Variants in SULF2 observed in about 807,000 individuals in gnomAD.
SULF2 encodes extracellular sulfatase Sulf-2.
Under a neutral mutation model 107.7 loss-of-function variants are expected in SULF2, and 52 were observed. That is an observed-to-expected ratio of 0.48 (90% CI 0.39 to 0.61). The LOEUF is 0.61. Among genes scored for constraint, SULF2 ranks in the 20% least tolerant of loss-of-function variants. The pLI is 0.00. For synonymous variants in SULF2, 460 were observed against 464.3 expected (o/e 0.99, Z 0.12); for missense variants, 993 against 1,177.3 (o/e 0.84, Z 2.29).
intron 1 of SULF2, among the ~76,000 whole-genome samples, chr20:47,766,315 C>T (rs1159894637): frequency 6.6e-6 from 1 of 152,230 alleles, no homozygotes; most frequent in Non-Finnish European, 1.5e-5. Context: ...TCCCTGTCTC[C>T]CCTACCTAGC....
Position 47,672,301 on chromosome 20 carries a change from G to A in SULF2, c.1473C>T (p.Asn491=), listed in dbSNP as rs145526639. 203 of 1,613,462 alleles carry A rather than the reference G, an allele frequency of 1.3e-4. 2 individuals carry two copies. Among genetic ancestry groups the A allele is most frequent in the East Asian group, 1.0e-3 (47 of 44,886 alleles). Residue 491 remains asparagine, a synonymous_variant, in exon 11 of 21, where the codon AAC becomes AAT. Coordinates refer to ENST00000688720, the MANE Select transcript of SULF2 (RefSeq NM_001387048.1). ...MRLGGSRALS[N]LVPKYYGQGS... ...CCTGCCCGTAGTACTTGGGCACGAGGTTGGAGAGGGCTCTGCTGCCGCCCA... is the reference window on the plus strand; with the variant it reads ...CCTGCCCGTAGTACTTGGGCACGAGATTGGAGAGGGCTCTGCTGCCGCCCA...
chr20:47,723,559 T>C (rs2089354941), intron 3 of SULF2, among the ~76,000 whole-genome samples: 1 of 152,180 alleles, frequency 6.6e-6, no homozygotes, highest in African/African-American at 2.4e-5. Context: ...TTCATCTGTA[T>C]TTACAGCCGC....
chr20:47,660,280 C>G (rs1042311155), intron 18 of SULF2, among the ~76,000 whole-genome samples: 6 of 152,346 alleles, frequency 3.9e-5, no homozygotes, highest in African/African-American at 1.2e-4. Flanking sequence ...TGTCATTGCA[C>G]TTTGATCACA....
chr20:47,750,132 C>G (rs1247707754), intron 2 of SULF2, among the ~76,000 whole-genome samples: 1 of 152,206 alleles, frequency 6.6e-6, no homozygotes, highest in Non-Finnish European at 1.5e-5. Flanking sequence ...TAGGCGTGTG[C>G]CACCATGCCC....
At chr20:47,725,851 T>G (rs1158313248) in intron 3 of SULF2, among the ~76,000 whole-genome samples, 1 of 151,862 alleles carries the variant, frequency 6.6e-6, no homozygotes, top group African/African-American at 2.4e-5. Flanking sequence ...GGAACTCGGT[T>G]TCCCTTCATT....
At chr20:47,731,795 G>A (rs73624700) in intron 3 of SULF2, among the ~76,000 whole-genome samples, 4,676 of 152,300 alleles carry the variant, frequency 0.031, 132 homozygotes, top group East Asian at 0.11. Flanking sequence ...TGCTGCTGGC[G>A]CATATGATTT....
intron 11 of SULF2, among the ~76,000 whole-genome samples, chr20:47,667,421 T>C (rs1039332047): frequency 6.6e-6 from 1 of 152,184 alleles, no homozygotes; most frequent in African/African-American, 2.4e-5. Context: ...GTAGCCTGTA[T>C]CTTCTATGTC....
At chr20:47,781,017 T>C (rs1458144718) in intron 1 of SULF2, among the ~76,000 whole-genome samples, 1 of 152,220 alleles carries the variant, frequency 6.6e-6, no homozygotes, top group East Asian at 1.9e-4. Context: ...GAAGTTTGAT[T>C]CAACAGGATC....
intron 3 of SULF2, among the ~76,000 whole-genome samples, chr20:47,731,188 T>TC (rs1555848479): frequency 3.3e-4 from 12 of 36,438 alleles, no homozygotes; most frequent in African/African-American, 1.8e-3. Context: ...GTATCTTCTC[T>TC]TTTTTTTTTT....
At chr20:47,728,440 T>C (rs568986973) in intron 3 of SULF2, among the ~76,000 whole-genome samples, 53 of 143,616 alleles carry the variant, frequency 3.7e-4, no homozygotes, top group Admixed American at 2.5e-3. Context: ...ATGGTGGGAG[T>C]GGGGGTGGAG....
chr20:47,756,573 C>T (rs1031026111), intron 2 of SULF2, among the ~76,000 whole-genome samples: 2 of 151,766 alleles, frequency 1.3e-5, no homozygotes, highest in African/African-American at 2.4e-5. Flanking sequence ...TCACCCTTCA[C>T]GGGATCAATG....
chr20:47,662,404 A>G (rs1300703134), intron 17 of SULF2, among the ~76,000 whole-genome samples: 2 of 152,236 alleles, frequency 1.3e-5, no homozygotes, highest in South Asian at 2.1e-4. Flanking sequence ...ACACCTATAT[A>G]GTAATTAAAG....
At chr20:47,696,404 C>T (rs1014708951) in intron 4 of SULF2, among the ~76,000 whole-genome samples, 1 of 151,210 alleles carries the variant, frequency 6.6e-6, no homozygotes, top group African/African-American at 2.4e-5. Flanking sequence ...TCCTTACCAC[C>T]CCCCCACCCC....
chr20:47,675,577 T>C (rs2087613373), intron 10 of SULF2, among the ~76,000 whole-genome samples: 1 of 152,166 alleles, frequency 6.6e-6, no homozygotes, highest in Non-Finnish European at 1.5e-5. Flanking sequence ...CTTCAGGCCT[T>C]GGCCTTCAAT....
intron 1 of SULF2, among the ~76,000 whole-genome samples, chr20:47,769,107 T>G (rs2090580684): frequency 6.6e-6 from 1 of 151,640 alleles, no homozygotes; most frequent in Non-Finnish European, 1.5e-5. Flanking sequence ...TAGCGTGATC[T>G]CAGCTCACTG....
At chr20:47,696,409 C>A (rs975774227) in intron 4 of SULF2, among the ~76,000 whole-genome samples, 4 of 151,698 alleles carry the variant, frequency 2.6e-5, no homozygotes, top group African/African-American at 9.7e-5. Flanking sequence ...ACCACCCCCC[C>A]ACCCCCATAA....
intron 3 of SULF2, among the ~76,000 whole-genome samples, chr20:47,713,110 A>C (rs1267468545): frequency 6.6e-6 from 1 of 152,158 alleles, no homozygotes; most frequent in Non-Finnish European, 1.5e-5. Context: ...ACAGTGCTAC[A>C]TGCTGAAAAA....
At chr20:47,664,360 CT>C (rs1453724614) in intron 14 of SULF2, among the ~76,000 whole-genome samples, 171 bp from the exon 15 acceptor site, 3 of 152,238 alleles carry the variant, frequency 2.0e-5, no homozygotes, top group Non-Finnish European at 2.9e-5. Flanking sequence ...CAGCAGGTGC[CT>C]GCCTGAGTGG....
intron 10 of SULF2, among the ~76,000 whole-genome samples, chr20:47,675,378 C>T (rs149905673): frequency 4.7e-4 from 72 of 152,254 alleles, no homozygotes; most frequent in African/African-American, 1.4e-3. Context: ...TGCTGTACAA[C>T]GGAGGGATGA....
Sources: gnomAD v4.1 joint callset for allele counts (sites outside exome capture counted in the v4.1 genomes callset) on GRCh38, gnomAD v4.1.1 for gene constraint, MANE v1.5 for transcripts, NCBI Gene and HGNC (gene_info 2026-07-23, HGNC 2026-07-21) for gene names.